The following SGCZ variants were observed in gnomAD, a reference collection of about 807,000 sequenced individuals.
SGCZ encodes the protein zeta-sarcoglycan.
SGCZ carries 40 observed loss-of-function variants against 41.3 expected under a neutral mutation model. The observed-to-expected ratio is 0.97, with a 90% CI of 0.75 to 1.26. The LOEUF is 1.26. SGCZ is among the 50% of genes most tolerant of loss of function. The pLI is 0.00. For missense variants in SGCZ, 552 were observed against 369.8 expected, an observed-to-expected ratio of 1.49 and a Z score of -4.04; for synonymous variants, 206 against 137.5, an observed-to-expected ratio of 1.50 and a Z score of -3.49.
chr8:14,462,640 A>G (rs1159751612), intron 2 of SGCZ, among the ~76,000 whole-genome samples: 1 of 152,014 alleles, frequency 6.6e-6, no homozygotes. Context: ...AAGTTTTGAA[A>G]CCGGGAAGTA....
chr8:14,665,883 T>A (rs556958275), intron 1 of SGCZ, among the ~76,000 whole-genome samples: 2 of 152,318 alleles, frequency 1.3e-5, no homozygotes, highest in African/African-American at 4.8e-5. Flanking sequence ...ATCGTCTGAA[T>A]TGCAAAAGTT....
chr8:14,631,184 G>A (rs77404940), intron 1 of SGCZ, among the ~76,000 whole-genome samples: 2 of 152,004 alleles, frequency 1.3e-5, no homozygotes, highest in African/African-American at 2.4e-5. Flanking sequence ...ATTTACCACT[G>A]GGATCCTCCT....
chr8:14,478,977 C>G (rs1801443071), intron 2 of SGCZ, among the ~76,000 whole-genome samples: 1 of 152,172 alleles, frequency 6.6e-6, no homozygotes, highest in Non-Finnish European at 1.5e-5. Context: ...GCTTCTAATG[C>G]CCACCCCTCT....
intron 5 of SGCZ, among the ~76,000 whole-genome samples, chr8:14,147,480 A>G (rs951475228): frequency 6.6e-6 from 1 of 152,236 alleles, no homozygotes; most frequent in African/African-American, 2.4e-5. Flanking sequence ...AAGGTCATAT[A>G]TAATGACAAA....
At chr8:14,326,682 T>A (rs1235195885) in intron 2 of SGCZ, among the ~76,000 whole-genome samples, 1 of 152,186 alleles carries the variant, frequency 6.6e-6, no homozygotes. Flanking sequence ...TCAAGTGGAA[T>A]TAAAGAGTTA....
intron 1 of SGCZ, among the ~76,000 whole-genome samples, chr8:15,098,058 G>T (rs894059434): frequency 7.3e-5 from 11 of 151,500 alleles, no homozygotes; most frequent in Non-Finnish European, 4.4e-5. Flanking sequence ...TTTAACTCAC[G>T]ACTTGGAAAC....
chr8:15,151,084 G>A (rs149266827), intron 1 of SGCZ, among the ~76,000 whole-genome samples: 6 of 152,274 alleles, frequency 3.9e-5, no homozygotes, highest in East Asian at 1.9e-4. Flanking sequence ...ACACACTCAC[G>A]CACACACTTC....
At chr8:14,782,427 G>T (rs987606167) in intron 1 of SGCZ, among the ~76,000 whole-genome samples, 1 of 152,096 alleles carries the variant, frequency 6.6e-6, no homozygotes, top group Non-Finnish European at 1.5e-5. Flanking sequence ...GTATCTGTGT[G>T]TTTGGTTTTG....
At chr8:14,696,045 C>T (rs1024467854) in intron 1 of SGCZ, among the ~76,000 whole-genome samples, 3 of 151,936 alleles carry the variant, frequency 2.0e-5, no homozygotes, top group East Asian at 1.9e-4. Context: ...AGAGAGCTCC[C>T]GGGACAAATA....
At chr8:14,597,441 T>C (rs1805449438) in intron 1 of SGCZ, among the ~76,000 whole-genome samples, 1 of 152,176 alleles carries the variant, frequency 6.6e-6, no homozygotes, top group African/African-American at 2.4e-5. Context: ...AGGAAAACCG[T>C]CCAGGAAAAT....
At chr8:14,164,869 T>G in intron 4 of SGCZ, 167 bp from the exon 5 acceptor site, 1 of 826,298 alleles carries the variant, frequency 1.2e-6, no homozygotes, top group Non-Finnish European at 1.8e-6. Flanking sequence ...TTCAGGAGGC[T>G]AATTTGGGAA....
chr8:15,164,210 T>A (rs1799589541), intron 1 of SGCZ, among the ~76,000 whole-genome samples: 1 of 152,230 alleles, frequency 6.6e-6, no homozygotes, highest in African/African-American at 2.4e-5. Context: ...GTGCCCAATG[T>A]GGGGGCTTGA....
At chr8:14,307,717 G>T (rs1323787617) in intron 3 of SGCZ, among the ~76,000 whole-genome samples, 3 of 152,014 alleles carry the variant, frequency 2.0e-5, no homozygotes, top group African/African-American at 7.2e-5. Context: ...TATTAACAAA[G>T]TGGTGATTTT....
chr8:14,255,594 C>T (rs914158908), intron 3 of SGCZ, among the ~76,000 whole-genome samples: 3 of 151,850 alleles, frequency 2.0e-5, no homozygotes, highest in Admixed American at 6.6e-5. Context: ...AAGATAATTA[C>T]AATTAAAAAT....
At chr8:14,575,913 C>CAAAAAAAAAAAAAAAAAAAAAAA (rs66656586) in intron 1 of SGCZ, among the ~76,000 whole-genome samples, 1 of 100,004 alleles carries the variant, frequency 1.0e-5, no homozygotes, top group Non-Finnish European at 1.9e-5. Flanking sequence ...CTCAAAATAA[C>CAAAAAAAAAAAAAAAAAAAAAAA]AAAAAAAAAA....
At chr8:14,482,576 C>T (rs1053686973) in intron 2 of SGCZ, among the ~76,000 whole-genome samples, 13 of 152,084 alleles carry the variant, frequency 8.5e-5, no homozygotes, top group African/African-American at 2.4e-4. Context: ...TTTTCTGCTT[C>T]GACTTGACTG....
intron 1 of SGCZ, among the ~76,000 whole-genome samples, chr8:15,188,268 T>C (rs1800412703): frequency 6.6e-6 from 1 of 152,088 alleles, no homozygotes; most frequent in Admixed American, 6.5e-5. Context: ...GCAGATTACA[T>C]ATCCTCTTTT....
chr8:14,213,673 C>T (rs892604212), intron 4 of SGCZ, among the ~76,000 whole-genome samples: 1 of 151,832 alleles, frequency 6.6e-6, no homozygotes, highest in South Asian at 2.1e-4. Context: ...ACCTCATGAA[C>T]CTTTTAAATC....
At chr8:14,924,196 C>A in intron 1 of SGCZ, among the ~76,000 whole-genome samples, 1 of 152,164 alleles carries the variant, frequency 6.6e-6, no homozygotes, top group East Asian at 1.9e-4. Flanking sequence ...GTTTTCATTT[C>A]TTTTCTTTCT....
Sources: gnomAD v4.1 joint callset for allele counts (sites outside exome capture counted in the v4.1 genomes callset) on GRCh38, gnomAD v4.1.1 for gene constraint, MANE v1.5 for transcripts, NCBI Gene and HGNC (gene_info 2026-07-23, HGNC 2026-07-21) for gene names.